The following RSRC1 variants were observed in gnomAD, a reference collection of about 807,000 sequenced individuals.
RSRC1 encodes arginine and serine rich coiled-coil 1, also known as serine/Arginine-related protein 53.
A neutral mutation model predicts 49.1 loss-of-function variants in RSRC1; 39 were observed. The observed-to-expected ratio is 0.79, with a 90% CI of 0.61 to 1.04. The LOEUF (loss-of-function observed/expected upper bound fraction) is 1.04, where lower values mean the gene tolerates loss of function less well. Ranked by LOEUF, RSRC1 falls within the 50% of genes least tolerant of loss-of-function variation. RSRC1 has a pLI of 0.00. For missense variants in RSRC1, 388 were observed against 402.4 expected, an observed-to-expected ratio of 0.96 and a Z score of 0.31; for synonymous variants, 143 against 130.8, an observed-to-expected ratio of 1.09 and a Z score of -0.63.
At chr3:158,330,293 G>A (rs776551402) in intron 5 of RSRC1, among the ~76,000 whole-genome samples, 1 of 152,226 alleles carries the variant, frequency 6.6e-6, no homozygotes, top group Non-Finnish European at 1.5e-5. Flanking sequence ...TGGAAATGCA[G>A]AAATCACCCG....
chr3:158,315,717 A>G (rs994821142), intron 5 of RSRC1, among the ~76,000 whole-genome samples: 1 of 152,168 alleles, frequency 6.6e-6, no homozygotes, highest in Admixed American at 6.5e-5. Flanking sequence ...ATTACTAGAC[A>G]GATTTACTTG....
intron 7 of RSRC1, among the ~76,000 whole-genome samples, chr3:158,533,285 G>A (rs868522389): frequency 6.6e-6 from 1 of 151,690 alleles, no homozygotes; most frequent in Non-Finnish European, 1.5e-5. Context: ...AAAAAGCTAT[G>A]TTGGTGTATT....
chr3:158,407,410 G>C (rs1734207341), intron 6 of RSRC1, among the ~76,000 whole-genome samples: 1 of 152,026 alleles, frequency 6.6e-6, no homozygotes, highest in South Asian at 2.1e-4. Context: ...AACACAAATT[G>C]CTTATTTTTA....
intron 4 of RSRC1, among the ~76,000 whole-genome samples, chr3:158,290,697 A>G (rs772204723): frequency 1.1e-4 from 16 of 152,346 alleles, no homozygotes; most frequent in Non-Finnish European, 1.5e-4. Flanking sequence ...GAAAATGTAG[A>G]TATGTAATAA....
chr3:158,151,296 G>C (rs1717523831), intron 3 of RSRC1, among the ~76,000 whole-genome samples: 1 of 152,040 alleles, frequency 6.6e-6, no homozygotes, highest in Admixed American at 6.6e-5. Flanking sequence ...AAAAAAGTGT[G>C]ATCTAATGTT....
chr3:158,128,978 T>C (rs1378302094), intron 3 of RSRC1, among the ~76,000 whole-genome samples: 1 of 152,170 alleles, frequency 6.6e-6, no homozygotes, highest in Non-Finnish European at 1.5e-5. Flanking sequence ...AAGGGGTCTG[T>C]GATACTGCTA....
chr3:158,326,995 A>T (rs1729196841), intron 5 of RSRC1, among the ~76,000 whole-genome samples: 1 of 152,186 alleles, frequency 6.6e-6, no homozygotes, highest in African/African-American at 2.4e-5. Flanking sequence ...CATTTGTTCT[A>T]GATTTTCTAG....
chr3:158,516,322 A>G (rs1166631435), intron 7 of RSRC1, among the ~76,000 whole-genome samples: 1 of 151,372 alleles, frequency 6.6e-6, no homozygotes, highest in African/African-American at 2.4e-5. Context: ...AACAGACAGG[A>G]CCCTCAGCTG....
chr3:158,313,762 T>C (rs1048500002), intron 5 of RSRC1, among the ~76,000 whole-genome samples: 1 of 152,258 alleles, frequency 6.6e-6, no homozygotes, highest in Non-Finnish European at 1.5e-5. Flanking sequence ...CATTTGCTTT[T>C]ATTATTTATT....
At chr3:158,488,519 A>G (rs999906607) in intron 7 of RSRC1, among the ~76,000 whole-genome samples, 19 of 152,190 alleles carry the variant, frequency 1.2e-4, no homozygotes, top group African/African-American at 4.6e-4. Flanking sequence ...GTTTTTTCTC[A>G]ACCATTGCTG....
Sources: gnomAD v4.1 joint callset for allele counts (sites outside exome capture counted in the v4.1 genomes callset) on GRCh38, gnomAD v4.1.1 for gene constraint, MANE v1.5 for transcripts, NCBI Gene and HGNC (gene_info 2026-07-23, HGNC 2026-07-21) for gene names.